The following ZDHHC13 variants were observed in gnomAD, a reference collection of about 807,000 sequenced individuals.
ZDHHC13 encodes the protein palmitoyltransferase ZDHHC13.
A neutral mutation model predicts 86.0 loss-of-function variants in ZDHHC13; 85 were observed. The observed-to-expected ratio is 0.99, with a 90% CI of 0.83 to 1.18. The LOEUF (loss-of-function observed/expected upper bound fraction) is 1.18, where lower values mean the gene tolerates loss of function less well. Ranked by LOEUF, ZDHHC13 falls within the 50% of genes most tolerant of loss-of-function variation. ZDHHC13 has a pLI of 0.00. For missense variants in ZDHHC13, 711 were observed against 730.2 expected, an observed-to-expected ratio of 0.97 and a Z score of 0.30; for synonymous variants, 263 against 246.4, an observed-to-expected ratio of 1.07 and a Z score of -0.63.
At chr11:19,146,418 C>G (rs1849469911) in intron 3 of ZDHHC13, 115 bp downstream of exon 3, 1 of 1,251,550 alleles carries the variant, frequency 8.0e-7, no homozygotes, top group Non-Finnish European at 1.0e-6. Flanking sequence ...TAAAAGAACA[C>G]CCGAAACTTT....
intron 1 of ZDHHC13, among the ~76,000 whole-genome samples, chr11:19,119,662 G>A (rs1477816788): frequency 6.6e-6 from 1 of 152,148 alleles, no homozygotes; most frequent in African/African-American, 2.4e-5. Context: ...TTTCTCCTCA[G>A]CATTTAACAC....
chr11:19,166,034 T>C (rs1850056040), intron 13 of ZDHHC13, among the ~76,000 whole-genome samples: 1 of 152,252 alleles, frequency 6.6e-6, no homozygotes, highest in African/African-American at 2.4e-5. Context: ...CCTAGAGCAG[T>C]GTTTGCTTAG....
intron 15 of ZDHHC13, among the ~76,000 whole-genome samples, chr11:19,171,573 C>G (rs1850222249): frequency 6.6e-6 from 1 of 152,162 alleles, no homozygotes; most frequent in African/African-American, 2.4e-5. Context: ...TCTCCTATCA[C>G]TCTGACTTCA....
In ZDHHC13 at chr11:19,172,728, C is replaced by T. The variant is rs769158246; in HGVS notation, c.1638C>T (p.Ala546=). ...CTTCCACCCTTCTTTTTCAGATTGC[C>T]TTTCTGGGCCTGACCTCCCATGAGA... ...FLLLNQLFQI[A]FLGLTSHERI... is the part of the protein sequence containing the mutation. Residue 546 remains alanine (A), a synonymous_variant, in exon 16 of 17, where the codon GCC becomes GCT. Transcript: ENST00000446113. 6.3e-7 allele frequency: 1 copy of T among 1,595,020 alleles called. No individual in the cohort carries two copies. Among genetic ancestry groups the T allele is most frequent in the East Asian group, 2.3e-5 (1 of 44,178 alleles).
intron 3 of ZDHHC13, among the ~76,000 whole-genome samples, chr11:19,146,922 A>G (rs1473907854): frequency 6.6e-6 from 1 of 152,158 alleles, no homozygotes; most frequent in African/African-American, 2.4e-5. Context: ...ACACACATGA[A>G]TACTCACAGG....
Position 19,133,942 on chromosome 11 carries a change from T to TATATATATATATACAC in ZDHHC13, c.28-9035_28-9034insTATATATATATACACA. 4.6e-3 allele frequency among the ~76,000 whole-genome samples: 439 copies of TATATATATATATACAC among 95,980 alleles called. 25 individuals are homozygous for TATATATATATATACAC. The highest frequency in any genetic ancestry group is 7.3e-3 in the African/African-American group (216 of 29,608). 63.0% of individuals were successfully genotyped at this position (95,980 alleles called of 152,430 possible). A position where few individuals can be genotyped will look rare whatever the true frequency, so the allele number is the denominator to read the frequency against. The stretch of plus-strand genomic sequence containing the variant: ...GTCCATATATATATATATATATATA[T>TATATATATATATACAC]ACACGTATGTGTTTTATATACTTCA... On this transcript the variant is annotated intron_variant, in intron 1 of 16. Transcript: ENST00000446113.
chr11:19,166,290 T>A lies in ZDHHC13; in HGVS notation c.1391-12T>A, dbSNP rs1178468535. 1 of 1,599,024 alleles carries A rather than the reference T, an allele frequency of 6.3e-7. No individual in the cohort carries two copies. Among genetic ancestry groups the A allele is most frequent in the Non-Finnish European group, 8.5e-7 (1 of 1,174,936 alleles). On this transcript the variant is annotated splice_polypyrimidine_tract_variant and intron_variant, in intron 13 of 16. Coordinates refer to ENST00000446113, the MANE Select transcript of ZDHHC13 (RefSeq NM_019028.3). ...GAAAATATTAAGTATGTTTTTTTTCTTTTTTCTTGAGGTTTTGGCAACCAT... is the reference window on the plus strand; with the variant it reads ...GAAAATATTAAGTATGTTTTTTTTCATTTTTCTTGAGGTTTTGGCAACCAT...
chr11:19,166,682 G>A (rs1358063544), intron 14 of ZDHHC13: 3 of 196,392 alleles, frequency 1.5e-5, no homozygotes, highest in Middle Eastern at 1.9e-3. Flanking sequence ...GTCAGCTGCT[G>A]AAGTACAAAG....
chr11:19,117,222 G>T lies in ZDHHC13; in HGVS notation c.-28G>T, dbSNP rs767116331. The T allele has an allele frequency of 2.2e-5, 33 of 1,529,704 alleles. No individual in the cohort carries two copies. The highest frequency in any genetic ancestry group is 6.1e-6 in the Non-Finnish European group (7 of 1,141,168). 94.8% of individuals were successfully genotyped at this position (1,529,704 alleles called of 1,614,324 possible). A position where few individuals can be genotyped will look rare whatever the true frequency, so the allele number is the denominator to read the frequency against. On this transcript the variant is annotated 5_prime_UTR_variant, in exon 1 of 17. Transcript: ENST00000446113. This position sits in a 1 kb window ranked among gnomAD's most constrained non-coding sequence, Gnocchi z 4.2. ...GGCGGCAGTCGCTACTTGCCTAGTA[G>T]CCTCAGCCGCTGTGGGCTCCTGGGG...
chr11:19,120,226 A>T (rs768404614), intron 1 of ZDHHC13, among the ~76,000 whole-genome samples: 1 of 152,338 alleles, frequency 6.6e-6, no homozygotes, highest in East Asian at 1.9e-4. Context: ...TGTGTCAGGG[A>T]CTTGGAGAGA....
At chr11:19,155,705 T>C (rs1590082729) in intron 8 of ZDHHC13, 91 bp from the exon 9 acceptor site, 5 of 1,358,738 alleles carry the variant, frequency 3.7e-6, no homozygotes, top group African/African-American at 1.5e-5. Context: ...ATTGTTATTA[T>C]ATACTTTGGA....
chr11:19,124,765 G>GT (rs1037139539), intron 1 of ZDHHC13, among the ~76,000 whole-genome samples: 1 of 151,652 alleles, frequency 6.6e-6, no homozygotes, highest in Non-Finnish European at 1.5e-5. Context: ...GTGTGTGTGG[G>GT]GGGGTACTGA....
rs560560862 is a variant in ZDHHC13, at chr11:19,147,505, A to C, written c.297-91A>C. 1,308 of 1,116,138 alleles carry C rather than the reference A, an allele frequency of 1.2e-3. 1 individual carries two copies. Among genetic ancestry groups the C allele is most frequent in the Non-Finnish European group, 1.4e-3 (1,093 of 777,090 alleles). 69.1% of individuals were successfully genotyped at this position (1,116,138 alleles called of 1,614,324 possible). A position where few individuals can be genotyped will look rare whatever the true frequency, so the allele number is the denominator to read the frequency against. On this transcript the variant is annotated intron_variant, in intron 3 of 16. Transcript: ENST00000446113. ...TTACTATCATAATTTGTTCTCCAAC[A>C]TATTTATTACTATGAAAAAATTAGT...
chr11:19,129,971 C>T (rs1848956986), intron 1 of ZDHHC13, among the ~76,000 whole-genome samples: 1 of 152,056 alleles, frequency 6.6e-6, no homozygotes, highest in Non-Finnish European at 1.5e-5. Context: ...ATCTGTAGTC[C>T]CAGCTGCTCG....
intron 13 of ZDHHC13, 94 bp downstream of exon 13, chr11:19,165,239 T>C: frequency 8.6e-7 from 1 of 1,168,012 alleles, no homozygotes; most frequent in Non-Finnish European, 1.2e-6. Context: ...TAGGGCTCCA[T>C]TTTCAATATT....
chr11:19,164,943 T>G (rs1850016207), intron 12 of ZDHHC13, 109 bp from the exon 13 acceptor site: 4 of 811,624 alleles, frequency 4.9e-6, no homozygotes, highest in Middle Eastern at 4.5e-4. Context: ...ATGGTCTGTT[T>G]AGGATTTGTG....
At chr11:19,149,480 A>C in intron 5 of ZDHHC13, 149 bp downstream of exon 5, 1 of 773,472 alleles carries the variant, frequency 1.3e-6, no homozygotes. Context: ...TAGCCATTGA[A>C]TACTGCTTTT....
At chr11:19,157,297 A>G (rs1451808946) in intron 9 of ZDHHC13, among the ~76,000 whole-genome samples, 1 of 152,226 alleles carries the variant, frequency 6.6e-6, no homozygotes, top group Non-Finnish European at 1.5e-5. Flanking sequence ...TGTAATGATG[A>G]TGATCCATAG....
At chr11:19,147,771 T>TCC (rs1565030945) in intron 4 of ZDHHC13, 98 bp downstream of exon 4, 50 of 527,228 alleles carry the variant, frequency 9.5e-5, no homozygotes, top group Admixed American at 5.6e-4. Flanking sequence ...CTGTCTTTTC[T>TCC]TCCCCCCCCC....
Sources: allele counts gnomAD v4.1 joint callset (sites outside exome capture counted in the v4.1 genomes callset), GRCh38; gene constraint gnomAD v4.1.1; non-coding constraint Gnocchi (gnomAD v3.1); transcripts MANE v1.5; gene names NCBI Gene and HGNC (gene_info 2026-07-23, HGNC 2026-07-21).